Variants in ZFAT observed in about 807,000 individuals in gnomAD.
The protein encoded by ZFAT is zinc finger protein ZFAT.
ZFAT carries 64 observed loss-of-function variants against 117.7 expected under a neutral mutation model. The observed-to-expected ratio is 0.54, with a 90% CI of 0.44 to 0.67. The LOEUF (loss-of-function observed/expected upper bound fraction) is 0.67. Ranked by LOEUF, ZFAT falls within the 30% of genes least tolerant of loss-of-function variation. The pLI is 0.00. For missense variants in ZFAT, 1,433 were observed against 1,584.5 expected (o/e 0.90, Z 1.62); for synonymous variants, 679 against 615.0 (o/e 1.10, Z -1.54).
intron 2 of ZFAT, among the ~76,000 whole-genome samples, chr8:134,652,182 G>C (rs1004860732): frequency 6.6e-6 from 1 of 152,140 alleles, no homozygotes; most frequent in Admixed American, 6.5e-5. Flanking sequence ...GCCAGAAATG[G>C]CTTGAACCCA....
At chr8:134,538,188 GGAA>G (rs1297512769) in intron 11 of ZFAT, among the ~76,000 whole-genome samples, 2 of 152,184 alleles carry the variant, frequency 1.3e-5, no homozygotes, top group Admixed American at 1.3e-4. Flanking sequence ...AGGTGGACTT[GGAA>G]GAAGGATGAC....
At chr8:134,580,194 G>A (rs1825622311) in intron 10 of ZFAT, among the ~76,000 whole-genome samples, 3 of 152,034 alleles carry the variant, frequency 2.0e-5, no homozygotes, top group African/African-American at 7.2e-5. Flanking sequence ...GAAGTAATCT[G>A]ACCAAAATCA....
chr8:134,828,879 C>G, the ZFAT span, among the ~76,000 whole-genome samples: 2 of 152,204 alleles, frequency 1.3e-5, no homozygotes, highest in Non-Finnish European at 2.9e-5. Flanking sequence ...TTAGGAAAAT[C>G]AAGCCTTTAA....
At chr8:134,615,462 T>TC (rs1324497849) in intron 3 of ZFAT, among the ~76,000 whole-genome samples, 2 of 152,098 alleles carry the variant, frequency 1.3e-5, no homozygotes, top group African/African-American at 4.8e-5. Context: ...GTGCTAAGAT[T>TC]ACATGCGTGA....
chr8:134,592,764 G>A lies in ZFAT; in HGVS notation c.2476-2409C>T, dbSNP rs1213296397. 2.0e-5 allele frequency among the ~76,000 whole-genome samples: 3 copies of A among 152,188 alleles called. No homozygotes were observed. The East Asian group carries it at 5.8e-4, about 29-fold the overall frequency. On this transcript the variant is annotated intron_variant, in intron 7 of 15. Coordinates refer to ENST00000377838, the MANE Select transcript of ZFAT (RefSeq NM_020863.4). Reference sequence around the variant, plus strand: ...GAGTCTCCGAGAGCGGGATCTGAAGGAGCACCCTCCACCTCCTTTGGTGTT... The same window carrying A: ...GAGTCTCCGAGAGCGGGATCTGAAGAAGCACCCTCCACCTCCTTTGGTGTT...
In ZFAT at chr8:134,534,976, G is replaced by C. The variant is rs891936965; in HGVS notation, c.2977-2004C>G. 2.6e-5 allele frequency among the ~76,000 whole-genome samples: 4 copies of C among 152,068 alleles called. No homozygotes were observed. The East Asian group carries it at 7.7e-4, about 29-fold the overall frequency. On this transcript the variant is annotated intron_variant, in intron 11 of 15. Transcript: ENST00000377838. Reference sequence around the variant, plus strand: ...GCCATCTCCTAGCAAACAACTCCTGGGGATGCCCCCTGCTCAGACCTCATG... The same window carrying C: ...GCCATCTCCTAGCAAACAACTCCTGCGGATGCCCCCTGCTCAGACCTCATG...
chr8:134,551,743 T>G (rs1259503800), intron 11 of ZFAT, among the ~76,000 whole-genome samples: 1 of 152,236 alleles, frequency 6.6e-6, no homozygotes, highest in African/African-American at 2.4e-5. Flanking sequence ...TCGGCTGACC[T>G]CATCCAAACA....
intron 1 of ZFAT, among the ~76,000 whole-genome samples, chr8:134,685,741 C>T (rs932602324): frequency 1.3e-5 from 2 of 152,168 alleles, no homozygotes; most frequent in African/African-American, 4.8e-5. Flanking sequence ...AACGGGAGGG[C>T]GACATATACG....
At chr8:134,640,058 G>C (rs1436267694) in intron 2 of ZFAT, among the ~76,000 whole-genome samples, 1 of 152,168 alleles carries the variant, frequency 6.6e-6, no homozygotes, top group Non-Finnish European at 1.5e-5. Flanking sequence ...AGGACTCCAT[G>C]GGTGGACCAA....
At chr8:134,685,285 C>T (rs754764282) in intron 1 of ZFAT, among the ~76,000 whole-genome samples, 2 of 152,148 alleles carry the variant, frequency 1.3e-5, no homozygotes, top group African/African-American at 4.8e-5. Flanking sequence ...CCCACCAAGT[C>T]GACCACCACA....
chr8:134,726,914 A>G, the ZFAT span, among the ~76,000 whole-genome samples: 51,908 of 151,748 alleles, frequency 0.34, 9,203 homozygotes, highest in South Asian at 0.44. Context: ...GGTATTTTCT[A>G]TCTATTGAGA....
At chr8:134,642,755 T>C (rs1830656340) in intron 2 of ZFAT, among the ~76,000 whole-genome samples, 1 of 152,214 alleles carries the variant, frequency 6.6e-6, no homozygotes, top group East Asian at 1.9e-4. Context: ...CAGCTCAATC[T>C]CTAATCACAC....
the ZFAT span, among the ~76,000 whole-genome samples, chr8:134,744,398 C>T: frequency 6.6e-6 from 1 of 150,850 alleles, no homozygotes; most frequent in African/African-American, 2.4e-5. Flanking sequence ...CAGGTTCAAG[C>T]AATTCTCCTG....
At chr8:134,583,722 C>T (rs751475300) in intron 10 of ZFAT, 110 bp downstream of exon 10, 77 of 1,340,120 alleles carry the variant, frequency 5.7e-5, no homozygotes, top group Non-Finnish European at 6.5e-5. Context: ...CTCCTTCTAA[C>T]GGGCAAGTGC....
intron 12 of ZFAT, among the ~76,000 whole-genome samples, chr8:134,523,326 A>G (rs775150263): frequency 8.5e-5 from 13 of 152,080 alleles, no homozygotes; most frequent in Admixed American, 2.0e-4. Flanking sequence ...TATATTATCC[A>G]CAAACTAATG....
chr8:134,610,883 G>A (rs1050677458), intron 3 of ZFAT, among the ~76,000 whole-genome samples: 1 of 151,846 alleles, frequency 6.6e-6, no homozygotes, highest in Non-Finnish European at 1.5e-5. Context: ...GGCCCTGGGC[G>A]TACACTGTTG....
the ZFAT span, among the ~76,000 whole-genome samples, chr8:134,767,699 T>C: frequency 1.3e-5 from 2 of 152,226 alleles, no homozygotes; most frequent in South Asian, 4.1e-4. Flanking sequence ...GCTTCGATTT[T>C]ACTGTTAAGA....
At chr8:134,529,341 T>C (rs1471672094) in intron 12 of ZFAT, among the ~76,000 whole-genome samples, 1 of 152,218 alleles carries the variant, frequency 6.6e-6, no homozygotes, top group East Asian at 1.9e-4. Flanking sequence ...GAACCAGTTC[T>C]TGAGCTAGCT....
chr8:134,541,826 A>C (rs1822280881), intron 11 of ZFAT, among the ~76,000 whole-genome samples: 1 of 152,262 alleles, frequency 6.6e-6, no homozygotes, highest in South Asian at 2.1e-4. Context: ...AAGATCTCTT[A>C]TCTTTACTCA....
Sources: allele counts gnomAD v4.1 joint callset (sites outside exome capture counted in the v4.1 genomes callset), GRCh38; gene constraint gnomAD v4.1.1; transcripts MANE v1.5; gene names NCBI Gene and HGNC (gene_info 2026-07-23, HGNC 2026-07-21).